Variants in SPTLC3 observed in about 807,000 individuals in gnomAD.
The protein encoded by SPTLC3 is serine palmitoyltransferase long chain base subunit 3, also known as serine palmitoyltransferase 3.
A neutral mutation model predicts 59.3 loss-of-function variants in SPTLC3; 36 were observed. The observed-to-expected ratio is 0.61, with a 90% confidence interval of 0.47 to 0.80. The LOEUF (loss-of-function observed/expected upper bound fraction) is 0.80, where lower values mean the gene tolerates loss of function less well. Ranked by LOEUF, SPTLC3 falls within the 30% of genes least tolerant of loss-of-function variation. SPTLC3 has a pLI of 0.00. For missense variants in SPTLC3, 625 were observed against 685.1 expected (o/e 0.91, Z 0.98); for synonymous variants, 257 against 240.8 (o/e 1.07, Z -0.62).
At chr20:13,036,860 C>G (rs1038699267) in intron 1 of SPTLC3, among the ~76,000 whole-genome samples, 1 of 152,104 alleles carries the variant, frequency 6.6e-6, no homozygotes, top group African/African-American at 2.4e-5. Context: ...CTGATGGGAA[C>G]TGACTGATGG....
At chr20:13,115,349 TAG>T (rs1378971642) in intron 7 of SPTLC3, among the ~76,000 whole-genome samples, 1 of 152,140 alleles carries the variant, frequency 6.6e-6, no homozygotes, top group Non-Finnish European at 1.5e-5. Flanking sequence ...AGCAGTATTG[TAG>T]AGTCATTAAT....
At chr20:13,084,035 G>A (rs935355946) in intron 4 of SPTLC3, among the ~76,000 whole-genome samples, 3 of 152,178 alleles carry the variant, frequency 2.0e-5, no homozygotes, top group Non-Finnish European at 2.9e-5. Flanking sequence ...GAATGGATCC[G>A]TTGACCCCAG....
intron 1 of SPTLC3, among the ~76,000 whole-genome samples, chr20:13,039,628 G>C (rs1031529078): frequency 3.9e-5 from 6 of 152,110 alleles, no homozygotes; most frequent in African/African-American, 1.4e-4. Context: ...AACTGAGATA[G>C]TTTCATTTAT....
At chr20:13,042,553 C>T (rs1002603524) in intron 1 of SPTLC3, among the ~76,000 whole-genome samples, 2 of 152,286 alleles carry the variant, frequency 1.3e-5, no homozygotes, top group South Asian at 4.1e-4. Flanking sequence ...AGGAAGTAAA[C>T]CCTCAACCTC....
intron 1 of SPTLC3, among the ~76,000 whole-genome samples, chr20:13,023,846 A>G (rs1262969067): frequency 2.0e-5 from 3 of 152,212 alleles, no homozygotes; most frequent in Non-Finnish European, 4.4e-5. Flanking sequence ...TTATTAATTC[A>G]TCTTGATCAT....
chr20:13,071,035 A>G (rs138772676), intron 2 of SPTLC3, among the ~76,000 whole-genome samples: 3 of 152,240 alleles, frequency 2.0e-5, no homozygotes, highest in Non-Finnish European at 4.4e-5. Flanking sequence ...TCTCCCTCCT[A>G]CTGTAATCCC....
At chr20:13,056,778 G>A (rs1987749911) in intron 2 of SPTLC3, among the ~76,000 whole-genome samples, 1 of 137,794 alleles carries the variant, frequency 7.3e-6, no homozygotes, top group South Asian at 2.3e-4. Flanking sequence ...GTCTCACTCT[G>A]TCAAACAGGA....
chr20:13,126,597 G>A lies in SPTLC3; in HGVS notation c.1159G>A (p.Val387Met), dbSNP rs369416718. ...TTTCCCCTCTTTATTTAAGGACCTC[G>A]TGGATTATTTACGGGTTCACTCGCA... ...GGYIAGRKDL[V>M]DYLRVHSHSA... The change falls in exon 9 of 12, where the codon GTG becomes ATG. Residue 387 changes from valine to methionine, a missense_variant. Coordinates refer to ENST00000399002, the MANE Select transcript of SPTLC3 (RefSeq NM_018327.4). 2.7e-5 allele frequency: 44 copies of A among 1,613,152 alleles called. No individual in the cohort carries two copies. The highest frequency in any genetic ancestry group is 2.4e-4 in the African/African-American group (18 of 74,854).
intron 8 of SPTLC3, among the ~76,000 whole-genome samples, chr20:13,123,684 G>T (rs776158144): frequency 2.0e-5 from 3 of 152,120 alleles, no homozygotes; most frequent in Non-Finnish European, 4.4e-5. Context: ...TCCATTCTAT[G>T]CCCATAAGAT....
intron 7 of SPTLC3, among the ~76,000 whole-genome samples, chr20:13,117,300 A>T (rs1186261152): frequency 1.3e-5 from 2 of 152,244 alleles, no homozygotes; most frequent in Non-Finnish European, 2.9e-5. Flanking sequence ...AATCCATTGA[A>T]TGTAAATTAT....
chr20:13,049,201 T>C, intron 2 of SPTLC3, 71 bp downstream of exon 2: 3 of 1,542,850 alleles, frequency 1.9e-6, no homozygotes, highest in South Asian at 1.1e-5. Context: ...GAAGTGGTGA[T>C]GCAGGTGCAG....
intron 6 of SPTLC3, 101 bp from the exon 7 acceptor site, chr20:13,110,010 GT>G: frequency 3.3e-6 from 3 of 917,780 alleles, no homozygotes; most frequent in Non-Finnish European, 4.8e-6. Flanking sequence ...TTCTCTGAAA[GT>G]TTAGGTCTGA....
intron 1 of SPTLC3, among the ~76,000 whole-genome samples, chr20:13,021,671 A>T (rs1213595874): frequency 6.6e-6 from 1 of 151,466 alleles, no homozygotes; most frequent in Non-Finnish European, 1.5e-5. Context: ...TCCAACTCTA[A>T]CCAATGGAGA....
intron 11 of SPTLC3, 47 bp from the exon 12 acceptor site, chr20:13,164,707 C>A: frequency 6.9e-7 from 1 of 1,445,478 alleles, no homozygotes. Context: ...CAAAGCAGGG[C>A]TACTTAGGTG....
rs1279265007 is a variant in SPTLC3 at position 13,132,073 on chromosome 20, G to A, written c.1279+5356G>A. On this transcript the variant is annotated intron_variant, in intron 9 of 11. Coordinates refer to ENST00000399002, the MANE Select transcript of SPTLC3 (RefSeq NM_018327.4). ...TATCGGCATAGCCCACTCCCTCCCTGCCATCCCCTTTCTGCTGAAAATCTG... is the reference window on the plus strand; with the variant it reads ...TATCGGCATAGCCCACTCCCTCCCTACCATCCCCTTTCTGCTGAAAATCTG... Among the ~76,000 whole-genome samples, 6 of 151,794 alleles carry A rather than the reference G, an allele frequency of 4.0e-5. No individual in the cohort carries two copies. In the East Asian group the frequency reaches 1.2e-3, roughly 29 times the overall value.
chr20:13,109,908 C>G (rs371542105), intron 6 of SPTLC3, among the ~76,000 whole-genome samples: 4 of 152,296 alleles, frequency 2.6e-5, no homozygotes, highest in African/African-American at 9.6e-5. Context: ...CCTACTTGTA[C>G]AAATCCAACT....
chr20:13,164,617 G>C, intron 11 of SPTLC3, 137 bp from the exon 12 acceptor site: 1 of 665,804 alleles, frequency 1.5e-6, no homozygotes, highest in Non-Finnish European at 2.6e-6. Flanking sequence ...TACGGATCTT[G>C]CTTCTTTTCT....
At chr20:13,043,026 A>G (rs1020855811) in intron 1 of SPTLC3, among the ~76,000 whole-genome samples, 5 of 152,138 alleles carry the variant, frequency 3.3e-5, no homozygotes, top group African/African-American at 1.2e-4. Flanking sequence ...TTTAAAGTAA[A>G]TCTCTTATTC....
intron 2 of SPTLC3, among the ~76,000 whole-genome samples, chr20:13,056,772 C>T (rs1259721977): frequency 1.4e-5 from 2 of 145,892 alleles, no homozygotes; most frequent in Admixed American, 1.4e-4. Context: ...GAGAGAGTCT[C>T]ACTCTGTCAA....
Sources: gnomAD v4.1 joint callset for allele counts (sites outside exome capture counted in the v4.1 genomes callset) on GRCh38, gnomAD v4.1.1 for gene constraint, MANE v1.5 for transcripts, NCBI Gene and HGNC (gene_info 2026-07-23, HGNC 2026-07-21) for gene names.